ARHGEF6: variants seen among roughly 807,000 people sequenced by gnomAD.
ARHGEF6 encodes the protein Rac/Cdc42 guanine nucleotide exchange factor 6.
Under a neutral mutation model 70.3 loss-of-function variants are expected in ARHGEF6, and 9 were observed. That is an observed-to-expected ratio of 0.13 (90% CI 0.08 to 0.22). ARHGEF6 has a LOEUF of 0.22. ARHGEF6 is among the 10% of genes least tolerant of loss of function. The probability of loss-of-function intolerance (pLI) is 1.00; values close to 1 mark genes in which losing one functional copy is unlikely to be tolerated. For synonymous variants in ARHGEF6, 201 were observed against 207.8 expected (o/e 0.97, Z 0.28); for missense variants, 470 against 563.0 (o/e 0.83, Z 1.67).
In ARHGEF6 at chrX:136,687,983, A is replaced by G; in HGVS notation, c.1194T>C (p.His398=). 2 of 1,200,556 alleles carry G rather than the reference A, an allele frequency of 1.7e-6. No homozygotes were observed. The highest frequency in any genetic ancestry group is 2.3e-6 in the Non-Finnish European group (2 of 885,105). Residue 398 remains histidine (H), a synonymous_variant, in exon 11 of 22, where the codon CAT becomes CAC. Transcript: ENST00000250617. ...CTTTCAGAATATCCTGATGATCTGGATGAGTATCCTATCAAAGGAATACAT... is the reference window on the plus strand; with the variant it reads ...CTTTCAGAATATCCTGATGATCTGGGTGAGTATCCTATCAAAGGAATACAT... The part of the protein sequence containing the change: ...QELERHMEDT[H]PDHQDILKAI...
At chrX:136,767,423 C>G (rs7055920) in intron 2 of ARHGEF6, 200,755 of 753,275 alleles carry the variant, frequency 0.27, 18,909 homozygotes, top group South Asian at 0.42. Context: ...AGGGGGCGCC[C>G]GTCTCCAAAC....
chrX:136,668,057 G>A lies in ARHGEF6; in HGVS notation c.2303C>T (p.Ser768Phe), dbSNP rs867146580. The change falls in exon 22 of 22, where the codon TCC (serine) becomes TTC (phenylalanine). Residue 768 changes from serine (S) to phenylalanine (F), a missense_variant. This residue lies in a region of ARHGEF6 where 88 missense variants were observed against 95.5 expected (regional missense o/e 0.92). Coordinates refer to ENST00000250617, the MANE Select transcript of ARHGEF6 (RefSeq NM_004840.3). ...KQTDECIRGE[S>F]SSKTSILP ...TGGAAGAATTGAGGTCTTGCTACTG[G>A]ACTCGCCTCGAATACACTCATCTGT... The A allele has an allele frequency of 1.7e-6, 2 of 1,211,675 alleles. No individual in the cohort carries two copies. Among genetic ancestry groups the A allele is most frequent in the Non-Finnish European group, 2.2e-6 (2 of 895,475 alleles).
chrX:136,772,311 T>A (rs1372479383), intron 2 of ARHGEF6, among the ~76,000 whole-genome samples: 1 of 111,547 alleles, frequency 9.0e-6, no homozygotes, highest in Non-Finnish European at 1.9e-5. Context: ...ACAAAAAAAA[T>A]TGAAAGAATG....
intron 6 of ARHGEF6, among the ~76,000 whole-genome samples, chrX:136,729,050 CT>C (rs2076903402): frequency 9.1e-5 from 8 of 87,512 alleles, no homozygotes; most frequent in Non-Finnish European, 1.3e-4. Context: ...CTCTCTCTCT[CT>C]CTCCTCCCCC....
Position 136,702,890 on chromosome X carries a change from G to T in ARHGEF6, c.1046+4018C>A, listed in dbSNP as rs762322458. Reference sequence around the variant, plus strand: ...AGTCAAGTGGTTCTAATTAACATTTGTAGAATATTTCATTCAACAACAGTC... The same window carrying T: ...AGTCAAGTGGTTCTAATTAACATTTTTAGAATATTTCATTCAACAACAGTC... On this transcript the variant is annotated intron_variant, in intron 9 of 21. Coordinates refer to ENST00000250617, the MANE Select transcript of ARHGEF6 (RefSeq NM_004840.3). Among the ~76,000 whole-genome samples, 176 of 111,803 alleles carry T rather than the reference G, an allele frequency of 1.6e-3. 2 individuals carry two copies. Among genetic ancestry groups the T allele is most frequent in the Non-Finnish European group, 3.0e-3 (159 of 53,116 alleles).
intron 15 of ARHGEF6, among the ~76,000 whole-genome samples, chrX:136,680,015 C>G (rs2076317847): frequency 8.9e-6 from 1 of 112,262 alleles, no homozygotes; most frequent in African/African-American, 3.2e-5. Flanking sequence ...TAGGTTATTT[C>G]ATGAGAACAG....
chrX:136,747,616 C>T, intron 2 of ARHGEF6, 24 bp from the exon 3 acceptor site: 5 of 1,034,727 alleles, frequency 4.8e-6, no homozygotes, highest in East Asian at 3.1e-5. Context: ...AAATTGAAAC[C>T]GTAAGACACT....
rs747369416 is a variant in ARHGEF6, at chrX:136,667,519, T to C, written c.*510A>G. ...CTACTCAAGCCATAGTCTGGAAGAT[T>C]TGCCTTCGGTAAATTAAGTACTAAG... On this transcript the variant is annotated 3_prime_UTR_variant, in exon 22 of 22. Coordinates refer to ENST00000250617, the MANE Select transcript of ARHGEF6 (RefSeq NM_004840.3). The C allele has an allele frequency of 8.0e-6, 1 of 124,383 alleles. No homozygotes were observed. The highest frequency in any genetic ancestry group is 8.1e-5 in the Admixed American group (1 of 12,326). 10.3% of individuals were successfully genotyped at this position (124,383 alleles called of 1,213,427 possible).
intron 19 of ARHGEF6, among the ~76,000 whole-genome samples, chrX:136,673,091 C>G (rs772366691): frequency 7.0e-4 from 79 of 112,419 alleles, no homozygotes; most frequent in Non-Finnish European, 1.4e-3. Context: ...AAATTTAAAA[C>G]CCAATGCAGT....
intron 9 of ARHGEF6, among the ~76,000 whole-genome samples, chrX:136,700,463 G>C (rs1040178929): frequency 2.7e-5 from 3 of 111,243 alleles, no homozygotes; most frequent in African/African-American, 9.8e-5. Flanking sequence ...TGAGGCAAAG[G>C]TTGCAGTGAG....
Position 136,743,690 on chromosome X carries a change from T to C in ARHGEF6, c.556A>G (p.Ile186Val). 1.7e-6 allele frequency: 2 copies of C among 1,211,758 alleles called. No homozygotes were observed. Among genetic ancestry groups the C allele is most frequent in the Non-Finnish European group, 2.2e-6 (2 of 895,231 alleles). Residue 186 changes from isoleucine to valine, a missense_variant, in exon 5 of 22, where the codon ATC becomes GTC. By Grantham distance (29) the Ile-to-Val change is conservative. Coordinates refer to ENST00000250617, the MANE Select transcript of ARHGEF6 (RefSeq NM_004840.3). ...EDELSVCKGDIIYVTRVEEGG... is the reference protein window; with the variant it reads ...EDELSVCKGDVIYVTRVEEGG... ...TCTTCAACTCGTGTGACGTAAATGATGTCCCCCTTACAAACTGACAGTTCA... is the reference window on the plus strand; with the variant it reads ...TCTTCAACTCGTGTGACGTAAATGACGTCCCCCTTACAAACTGACAGTTCA...
chrX:136,780,575 A>G (rs931237143), intron 1 of ARHGEF6, 143 bp downstream of exon 1: 1 of 615,542 alleles, frequency 1.6e-6, no homozygotes, highest in Non-Finnish European at 2.6e-6. Context: ...AACTACAAAA[A>G]CAGTAAGAAA....
intron 9 of ARHGEF6, among the ~76,000 whole-genome samples, chrX:136,702,890 G>A (rs762322458): frequency 8.9e-6 from 1 of 111,749 alleles, no homozygotes; most frequent in Non-Finnish European, 1.9e-5. Flanking sequence ...ATTAACATTT[G>A]TAGAATATTT....
rs1556284733 is a variant in ARHGEF6 at position 136,727,325 on chromosome X, T to TTC, written c.732+4776_732+4777insGA. The stretch of plus-strand genomic sequence containing the variant: ...CTGTAGTCTTTCTTTCTTTCTTTCT[T>TTC]TTTCTTTCTTTCTTTCTTTCTTTCT... On this transcript the variant is annotated intron_variant, in intron 6 of 21. Transcript: ENST00000250617. 9.3e-4 allele frequency among the ~76,000 whole-genome samples: 57 copies of TTC among 61,103 alleles called. 2 individuals carry two copies. The highest frequency in any genetic ancestry group is 9.9e-4 in the Non-Finnish European group (31 of 31,371). The allele number at this position is 61,103 out of a possible 115,157, so 53.1% of individuals were successfully genotyped here. A position where few individuals can be genotyped will look rare whatever the true frequency, so the allele number is the denominator to read the frequency against.
chrX:136,713,197 C>A, intron 7 of ARHGEF6, 79 bp downstream of exon 7: 1 of 849,556 alleles, frequency 1.2e-6, no homozygotes. Context: ...ATCAATTATT[C>A]AGTGACATAA....
At position 136,713,376 on chromosome X, in the gene ARHGEF6, GA is replaced by G. The variant is rs757372193; in HGVS notation, c.733-7del. 4.3e-6 allele frequency: 5 copies of G among 1,158,390 alleles called. No individual in the cohort carries two copies. Among genetic ancestry groups the G allele is most frequent in the Admixed American group, 2.2e-5 (1 of 45,288 alleles). On this transcript the variant is annotated splice_region_variant and splice_polypyrimidine_tract_variant and intron_variant, in intron 6 of 21. Coordinates refer to ENST00000250617, the MANE Select transcript of ARHGEF6 (RefSeq NM_004840.3). ...TCCAGGATGTTCTGTAACACCTATGGAAAAAAAAGTCAATGTATTATAATCA... is the reference window on the plus strand; with the variant it reads ...TCCAGGATGTTCTGTAACACCTATGGAAAAAAAGTCAATGTATTATAATCA...
intron 20 of ARHGEF6, among the ~76,000 whole-genome samples, chrX:136,671,207 T>C (rs1367455275): frequency 8.9e-6 from 1 of 112,220 alleles, no homozygotes; most frequent in African/African-American, 3.2e-5. Context: ...GTGAAGCAAC[T>C]TGCCCCAGGT....
chrX:136,704,579 A>G (rs2076607809), intron 9 of ARHGEF6, among the ~76,000 whole-genome samples: 1 of 112,060 alleles, frequency 8.9e-6, no homozygotes, highest in Admixed American at 9.4e-5. Flanking sequence ...GAAACTTACA[A>G]TCATGGTGGA....
At chrX:136,756,782 T>C (rs1017288208) in intron 2 of ARHGEF6, among the ~76,000 whole-genome samples, 26 of 112,741 alleles carry the variant, frequency 2.3e-4, no homozygotes, top group African/African-American at 8.1e-4. Context: ...TTCCCATTTA[T>C]ATATCTGTGT....
Sources: gnomAD v4.1 joint callset for allele counts (sites outside exome capture counted in the v4.1 genomes callset) on GRCh38, gnomAD v4.1.1 for gene constraint, gnomAD v4.1.1 regional missense constraint, MANE v1.5 for transcripts, NCBI Gene and HGNC (gene_info 2026-07-23, HGNC 2026-07-21) for gene names.